GSE1: variants seen among roughly 807,000 people sequenced by gnomAD.
The protein encoded by GSE1 is Gse1 coiled-coil protein.
GSE1 carries 32 observed loss-of-function variants against 112.6 expected under a neutral mutation model. The ratio of observed to expected loss-of-function variants is 0.28; its 90% CI spans 0.21 to 0.38. The LOEUF (loss-of-function observed/expected upper bound fraction) is 0.38, where lower values mean the gene tolerates loss of function less well. Ranked by LOEUF, GSE1 falls within the 10% of genes least tolerant of loss-of-function variation. The probability of loss-of-function intolerance (pLI) is 1.00; values close to 1 mark genes in which losing one functional copy is unlikely to be tolerated. For missense variants in GSE1, 2,348 were observed against 1,699.2 expected (o/e 1.38, Z -6.71); for synonymous variants, 1,115 against 735.6 (o/e 1.52, Z -8.35).
chr16:85,470,593 A>G (rs905172842), intron 2 of GSE1, among the ~76,000 whole-genome samples: 2 of 152,088 alleles, frequency 1.3e-5, no homozygotes, highest in Non-Finnish European at 2.9e-5. Flanking sequence ...TCCCAATGCA[A>G]TTGCTCTGCA....
chr16:85,495,337 C>T (rs1400511437), intron 2 of GSE1, among the ~76,000 whole-genome samples: 1 of 152,094 alleles, frequency 6.6e-6, no homozygotes, highest in African/African-American at 2.4e-5. Context: ...TCGGTAGCGG[C>T]AGCGTGAGCC....
chr16:85,508,418 C>A (rs1206160033), intron 2 of GSE1, among the ~76,000 whole-genome samples: 4 of 152,184 alleles, frequency 2.6e-5, no homozygotes, highest in African/African-American at 9.7e-5. Context: ...TGTTTCCACA[C>A]CACCAGGGGC....
intron 2 of GSE1, among the ~76,000 whole-genome samples, chr16:85,522,259 A>C (rs1195067609): frequency 9.2e-5 from 14 of 151,944 alleles, no homozygotes. Context: ...CTTTCCCTGC[A>C]CTGCGCCCTT....
rs555929963 is a variant in GSE1 at position 85,545,190 on chromosome 16, C to A, written c.2465-88724C>A. On this transcript the variant is annotated intron_variant, in intron 2 of 2. Coordinates refer to the GSE1 transcript ENST00000637419. The stretch of plus-strand genomic sequence containing the variant: ...CCCTTCACAGGGATGAGCTATGTGG[C>A]CTGGGCAGTCCCCAACACAGTCGCT... 3.3e-5 allele frequency among the ~76,000 whole-genome samples: 5 copies of A among 152,344 alleles called. No individual in the cohort carries two copies. The South Asian group carries it at 1.0e-3, about 32-fold the overall frequency.
At chr16:85,202,479 G>T (rs1449077968) in intron 1 of GSE1, among the ~76,000 whole-genome samples, 1 of 152,168 alleles carries the variant, frequency 6.6e-6, no homozygotes, top group Non-Finnish European at 1.5e-5. Flanking sequence ...TATGTTGCTG[G>T]TCTCAAACTC....
chr16:85,288,190 A>G (rs1175107523), intron 1 of GSE1, among the ~76,000 whole-genome samples: 4 of 152,218 alleles, frequency 2.6e-5, no homozygotes, highest in African/African-American at 9.7e-5. Context: ...CAGTGAGCTG[A>G]GATCACGCCA....
chr16:85,544,093 C>T (rs1036993850), intron 2 of GSE1, among the ~76,000 whole-genome samples: 3 of 152,158 alleles, frequency 2.0e-5, no homozygotes, highest in Non-Finnish European at 4.4e-5. Flanking sequence ...CCTCGGCTTC[C>T]CACAGTGTTG....
At chr16:85,480,730 G>T (rs1052578430) in intron 2 of GSE1, among the ~76,000 whole-genome samples, 3 of 152,134 alleles carry the variant, frequency 2.0e-5, no homozygotes, top group Non-Finnish European at 4.4e-5. Flanking sequence ...AAGATGTGGG[G>T]CCAGACTGGG....
At chr16:85,198,736 C>G (rs1156985298) in intron 1 of GSE1, among the ~76,000 whole-genome samples, 2 of 152,138 alleles carry the variant, frequency 1.3e-5, no homozygotes, top group African/African-American at 4.8e-5. Context: ...TTGCTCCTTG[C>G]CAGGCCTCCT....
intron 1 of GSE1, among the ~76,000 whole-genome samples, chr16:85,201,613 C>G (rs1487493251): frequency 6.6e-6 from 1 of 151,594 alleles, no homozygotes; most frequent in African/African-American, 2.4e-5. Flanking sequence ...GATCAGGCCA[C>G]TGCACTCCAG....
rs145619852 is a variant in GSE1 at position 85,212,142 on chromosome 16, A to C, written c.2283+40335A>C. On this transcript the variant is annotated intron_variant, in intron 1 of 2. Coordinates refer to the GSE1 transcript ENST00000637419. ...GGCTAGAAGCCGGGCGCGGTGGCTC[A>C]TGCCTGGAATCCCAGCATTTTGGGA... Among the ~76,000 whole-genome samples, 255 of 152,352 alleles carry C rather than the reference A, an allele frequency of 1.7e-3. 2 individuals are homozygous for C. The highest frequency in any genetic ancestry group is 5.8e-3 in the African/African-American group (243 of 41,590).
intron 2 of GSE1, among the ~76,000 whole-genome samples, chr16:85,550,370 C>G (rs150036370): frequency 6.6e-6 from 1 of 152,126 alleles, no homozygotes; most frequent in South Asian, 2.1e-4. Flanking sequence ...CAGATTGTCA[C>G]GAGGATCCAA....
intron 2 of GSE1, among the ~76,000 whole-genome samples, chr16:85,507,253 T>C (rs1051846914): frequency 6.6e-6 from 1 of 152,204 alleles, no homozygotes; most frequent in Non-Finnish European, 1.5e-5. Flanking sequence ...TGCTCATAAA[T>C]CCCTCTGCAG....
chr16:85,231,126 ATGG>A (rs1182565498), intron 1 of GSE1, among the ~76,000 whole-genome samples: 10 of 136,572 alleles, frequency 7.3e-5, no homozygotes, highest in African/African-American at 1.1e-4. Context: ...GAAAGGATGG[ATGG>A]AAGGATGGAT....
chr16:85,459,158 G>A (rs958673908), intron 2 of GSE1, among the ~76,000 whole-genome samples: 10 of 152,162 alleles, frequency 6.6e-5, no homozygotes, highest in African/African-American at 1.9e-4. Flanking sequence ...AGATGGCATC[G>A]GGGTGAAGTC....
intron 2 of GSE1, among the ~76,000 whole-genome samples, chr16:85,513,462 T>C (rs1022764187): frequency 2.6e-5 from 4 of 152,122 alleles, no homozygotes; most frequent in Admixed American, 6.5e-5. Flanking sequence ...CCGTCCCCAC[T>C]GTGGGGGGCT....
At chr16:85,598,868 G>T (rs1319572985) in intron 1 of GSE1, among the ~76,000 whole-genome samples, 1 of 152,330 alleles carries the variant, frequency 6.6e-6, no homozygotes, top group Admixed American at 6.5e-5. Context: ...CTGGAGCAGG[G>T]ACCTGTGGTC....
intron 2 of GSE1, among the ~76,000 whole-genome samples, chr16:85,430,265 C>T (rs1239413828): frequency 6.6e-6 from 1 of 152,156 alleles, no homozygotes; most frequent in Non-Finnish European, 1.5e-5. Flanking sequence ...TGAGGCCAGC[C>T]CCAGAAGCAG....
chr16:85,600,222 G>A (rs1054099625), intron 1 of GSE1, among the ~76,000 whole-genome samples: 2 of 152,224 alleles, frequency 1.3e-5, no homozygotes, highest in Non-Finnish European at 1.5e-5. Flanking sequence ...GGGTCTGAGC[G>A]GTGTGGGGAC....
Sources: gnomAD v4.1 joint callset for allele counts (sites outside exome capture counted in the v4.1 genomes callset) on GRCh38, gnomAD v4.1.1 for gene constraint, MANE v1.5 for transcripts, NCBI Gene and HGNC (gene_info 2026-07-23, HGNC 2026-07-21) for gene names.